CCDC91: variants seen among roughly 807,000 people sequenced by gnomAD.
CCDC91 encodes the protein coiled-coil domain-containing protein 91.
CCDC91 carries 48 observed loss-of-function variants against 63.2 expected under a neutral mutation model. That is an observed-to-expected ratio of 0.76 (90% CI 0.60 to 0.97). The LOEUF is 0.97. Among genes scored for constraint, CCDC91 ranks in the 50% least tolerant of loss-of-function variants. CCDC91 has a pLI of 0.00. For synonymous variants in CCDC91, 167 were observed against 165.8 expected (o/e 1.01, Z -0.06); for missense variants, 500 against 494.6 (o/e 1.01, Z -0.10).
intron 6 of CCDC91, among the ~76,000 whole-genome samples, chr12:28,320,839 C>A (rs1940421902): frequency 1.3e-5 from 2 of 151,802 alleles, no homozygotes; most frequent in Non-Finnish European, 2.9e-5. Context: ...TCTTTATATT[C>A]ATTTGCTGAA....
At chr12:28,240,314 T>G (rs1945249810) in intron 1 of CCDC91, among the ~76,000 whole-genome samples, 1 of 152,202 alleles carries the variant, frequency 6.6e-6, no homozygotes, top group Admixed American at 6.5e-5. Context: ...AACGAATAGA[T>G]TATCTCTTGG....
intron 12 of CCDC91, among the ~76,000 whole-genome samples, chr12:28,502,496 G>A (rs1166930588): frequency 6.6e-6 from 1 of 151,132 alleles, no homozygotes; most frequent in Non-Finnish European, 1.5e-5. Context: ...TCGTGAAAAT[G>A]GCCATACTGC....
At chr12:28,430,325 T>G (rs1232952862) in intron 8 of CCDC91, among the ~76,000 whole-genome samples, 1 of 152,080 alleles carries the variant, frequency 6.6e-6, no homozygotes, top group African/African-American at 2.4e-5. Flanking sequence ...TTACCTTAGA[T>G]GTAGGATTTA....
intron 8 of CCDC91, among the ~76,000 whole-genome samples, chr12:28,435,704 G>A (rs887909152): frequency 5.3e-5 from 8 of 151,738 alleles, no homozygotes; most frequent in African/African-American, 1.9e-4. Flanking sequence ...TGATAGAGGT[G>A]TATTGAAGTT....
intron 3 of CCDC91, 82 bp from the exon 4 acceptor site, chr12:28,305,565 GCT>G: frequency 8.7e-7 from 1 of 1,155,648 alleles, no homozygotes; most frequent in Non-Finnish European, 1.2e-6. Context: ...CTCTATTTCA[GCT>G]CTCTTTCTTC....
At chr12:28,453,043 C>G (rs1269347487) in intron 11 of CCDC91, among the ~76,000 whole-genome samples, 1 of 151,774 alleles carries the variant, frequency 6.6e-6, no homozygotes, top group Admixed American at 6.6e-5. Flanking sequence ...GTGTAGAAAA[C>G]AATTTGATTC....
In CCDC91 at chr12:28,462,959, G is replaced by T. The variant is rs561300729; in HGVS notation, c.1101+10305G>T. 1.1e-4 allele frequency among the ~76,000 whole-genome samples: 17 copies of T among 152,184 alleles called. No homozygotes were observed. The East Asian group carries it at 3.3e-3, about 29-fold the overall frequency. On this transcript the variant is annotated intron_variant, in intron 11 of 12. Transcript: ENST00000536442. ...AGTAGGCTTATTAAACAGAGGAGAA[G>T]GATGAAGAGAAATCATTCCAAGCTC...
chr12:28,232,262 A>G (rs1415333415), intron 1 of CCDC91, among the ~76,000 whole-genome samples: 3 of 152,182 alleles, frequency 2.0e-5, no homozygotes, highest in Non-Finnish European at 4.4e-5. Context: ...CAGTGGTAGT[A>G]AATGTGAAGA....
At chr12:28,243,666 CAG>C (rs1310298149) in intron 1 of CCDC91, among the ~76,000 whole-genome samples, 7 of 152,042 alleles carry the variant, frequency 4.6e-5, no homozygotes, top group African/African-American at 1.4e-4. Flanking sequence ...TAACATAAAT[CAG>C]AGATTAAAAG....
intron 1 of CCDC91, among the ~76,000 whole-genome samples, chr12:28,214,882 A>G (rs566973918): frequency 1.3e-5 from 2 of 152,278 alleles, no homozygotes; most frequent in Admixed American, 6.5e-5. Context: ...ATGTGTGCCA[A>G]GTGGACTTGT....
intron 11 of CCDC91, among the ~76,000 whole-genome samples, chr12:28,463,162 C>G (rs1488603376): frequency 6.6e-6 from 1 of 151,996 alleles, no homozygotes; most frequent in Non-Finnish European, 1.5e-5. Flanking sequence ...ATAAATTGTT[C>G]CAATTTGAGA....
At chr12:28,362,583 G>T (rs983098256) in intron 7 of CCDC91, 68 bp downstream of exon 7, 9 of 929,872 alleles carry the variant, frequency 9.7e-6, no homozygotes, top group Admixed American at 5.8e-5. Flanking sequence ...ACACATGTAG[G>T]TATGTGCAAA....
intron 1 of CCDC91, among the ~76,000 whole-genome samples, chr12:28,237,084 A>T (rs2135902034): frequency 6.6e-6 from 1 of 152,260 alleles, no homozygotes; most frequent in African/African-American, 2.4e-5. Context: ...ATAGATCACT[A>T]AAATTTTGTT....
At chr12:28,310,626 C>T (rs925056521) in intron 6 of CCDC91, among the ~76,000 whole-genome samples, 1 of 151,994 alleles carries the variant, frequency 6.6e-6, no homozygotes, top group African/African-American at 2.4e-5. Context: ...ATAGCCAAAT[C>T]GAAGTTAAAG....
intron 8 of CCDC91, among the ~76,000 whole-genome samples, chr12:28,430,585 T>A (rs1379155472): frequency 6.6e-6 from 1 of 152,140 alleles, no homozygotes; most frequent in East Asian, 1.9e-4. Flanking sequence ...TATATGAAAA[T>A]GTTAGCATTC....
At position 28,274,957 on chromosome 12, in the gene CCDC91, C is replaced by T. The variant is rs371735816; in HGVS notation, c.109+15515C>T. On this transcript the variant is annotated intron_variant, in intron 3 of 12. Transcript: ENST00000536442. ...ACACAACATACCAGAATCTGTGGGA[C>T]ACATTCAAAGCAGTGTGTAGAGGGA... is the stretch of plus-strand genomic sequence containing the variant. Among the ~76,000 whole-genome samples, 7 of 152,064 alleles carry T rather than the reference C, an allele frequency of 4.6e-5. No individual in the cohort carries two copies. In the South Asian group the frequency reaches 8.3e-4, roughly 18 times the overall value.
chr12:28,427,445 G>A (rs557249678), intron 8 of CCDC91, among the ~76,000 whole-genome samples: 1 of 152,200 alleles, frequency 6.6e-6, no homozygotes, highest in South Asian at 2.1e-4. Flanking sequence ...TGGGATTCCT[G>A]GAGGGAAGAC....
At chr12:28,478,158 A>G (rs1219142259) in intron 11 of CCDC91, among the ~76,000 whole-genome samples, 4 of 152,220 alleles carry the variant, frequency 2.6e-5, no homozygotes, top group East Asian at 1.9e-4. Context: ...TGCCAAGTCA[A>G]TCCTAAGCCA....
chr12:28,393,379 A>T (rs548681703), intron 8 of CCDC91, among the ~76,000 whole-genome samples: 54 of 141,256 alleles, frequency 3.8e-4, no homozygotes, highest in South Asian at 2.2e-4. Flanking sequence ...TCTTTTTGAA[A>T]TTTTTTTTTT....
Sources: gnomAD v4.1 joint callset for allele counts (sites outside exome capture counted in the v4.1 genomes callset) on GRCh38, gnomAD v4.1.1 for gene constraint, MANE v1.5 for transcripts, NCBI Gene and HGNC (gene_info 2026-07-23, HGNC 2026-07-21) for gene names.